The following XKR4 variants were observed in gnomAD, a reference collection of about 807,000 sequenced individuals.
XKR4 encodes the protein XK-related protein 4.
A neutral mutation model predicts 53.9 loss-of-function variants in XKR4; 12 were observed. That is an observed-to-expected ratio of 0.22 (90% CI 0.14 to 0.36). The LOEUF (loss-of-function observed/expected upper bound fraction) is 0.36, where lower values mean the gene tolerates loss of function less well. Ranked by LOEUF, XKR4 falls within the 10% of genes least tolerant of loss-of-function variation. The pLI is 1.00. For missense variants in XKR4, 799 were observed against 859.5 expected (o/e 0.93, Z 0.88); for synonymous variants, 354 against 362.4 (o/e 0.98, Z 0.26).
chr8:55,452,142 C>A (rs901545670), intron 2 of XKR4: 1 of 710,338 alleles, frequency 1.4e-6, no homozygotes, highest in African/African-American at 1.8e-5. Flanking sequence ...CGGTGTGTAC[C>A]GCAGCTTATG....
intron 1 of XKR4, among the ~76,000 whole-genome samples, chr8:55,194,565 G>GA (rs950165715): frequency 1.3e-5 from 2 of 152,152 alleles, no homozygotes; most frequent in Non-Finnish European, 1.5e-5. Flanking sequence ...TATACCGTTG[G>GA]AAAAAAATGA....
intron 1 of XKR4, among the ~76,000 whole-genome samples, chr8:55,305,928 T>C (rs1416388645): frequency 6.6e-6 from 1 of 152,234 alleles, no homozygotes. Flanking sequence ...ATGTACCATG[T>C]AAGTAAAAGT....
At chr8:55,291,808 G>A (rs938422082) in intron 1 of XKR4, among the ~76,000 whole-genome samples, 3 of 152,020 alleles carry the variant, frequency 2.0e-5, no homozygotes, top group Admixed American at 6.6e-5. Flanking sequence ...CTGCAAATAG[G>A]GACAAAGTTT....
intron 1 of XKR4, among the ~76,000 whole-genome samples, chr8:55,170,573 A>C (rs1228029552): frequency 1.3e-5 from 2 of 152,222 alleles, no homozygotes; most frequent in African/African-American, 4.8e-5. Context: ...AGCTGTAAGC[A>C]AAGTAAATTG....
intron 2 of XKR4, chr8:55,454,200 A>G (rs1322496899): frequency 9.6e-7 from 1 of 1,041,112 alleles, no homozygotes; most frequent in Admixed American, 1.7e-5. Context: ...GGCTCTAGCA[A>G]GGGTGGAATG....
chr8:55,416,119 G>A (rs1167894199), intron 2 of XKR4, among the ~76,000 whole-genome samples: 1 of 152,182 alleles, frequency 6.6e-6, no homozygotes, highest in Non-Finnish European at 1.5e-5. Context: ...AGCCCTGAAA[G>A]TTAAATGAAT....
chr8:55,289,166 C>T (rs1373324640), intron 1 of XKR4, among the ~76,000 whole-genome samples: 1 of 152,064 alleles, frequency 6.6e-6, no homozygotes, highest in Non-Finnish European at 1.5e-5. Context: ...TTCTCTGGGA[C>T]ACCTTCCTAA....
chr8:55,245,946 A>C (rs1343803827), intron 1 of XKR4, among the ~76,000 whole-genome samples: 1 of 152,082 alleles, frequency 6.6e-6, no homozygotes, highest in Non-Finnish European at 1.5e-5. Context: ...TAAATAAATA[A>C]ATAAAATTAG....
intron 1 of XKR4, among the ~76,000 whole-genome samples, chr8:55,247,898 C>T (rs1411062818): frequency 1.8e-5 from 1 of 56,286 alleles, no homozygotes; most frequent in African/African-American, 3.9e-5. Context: ...GCTCTGTCTC[C>T]AGGCTGGAGT....
chr8:55,378,895 A>G (rs907930665), intron 2 of XKR4, among the ~76,000 whole-genome samples: 1 of 152,232 alleles, frequency 6.6e-6, no homozygotes, highest in Non-Finnish European at 1.5e-5. Context: ...AACTCTATGT[A>G]TATCACATGG....
At chr8:55,487,974 G>C (rs1468259744) in intron 2 of XKR4, among the ~76,000 whole-genome samples, 1 of 152,174 alleles carries the variant, frequency 6.6e-6, no homozygotes, top group Non-Finnish European at 1.5e-5. Flanking sequence ...CTGCTTTCAG[G>C]ATTTCCAACT....
intron 2 of XKR4, among the ~76,000 whole-genome samples, chr8:55,358,697 T>G (rs923796549): frequency 2.0e-5 from 3 of 152,236 alleles, no homozygotes; most frequent in African/African-American, 7.2e-5. Flanking sequence ...CCTATTAATT[T>G]GTCAATCCTG....
chr8:55,430,263 T>G (rs563438304), intron 2 of XKR4, among the ~76,000 whole-genome samples: 2 of 152,088 alleles, frequency 1.3e-5, no homozygotes, highest in Admixed American at 6.5e-5. Flanking sequence ...AAATGAAACA[T>G]TAAAATAGCA....
chr8:55,430,524 A>G (rs1304040497), intron 2 of XKR4, among the ~76,000 whole-genome samples: 6 of 152,298 alleles, frequency 3.9e-5, no homozygotes, highest in African/African-American at 1.4e-4. Context: ...TGGGGTAAGG[A>G]TGGAGGGAGG....
intron 1 of XKR4, among the ~76,000 whole-genome samples, chr8:55,166,282 A>G (rs970280073): frequency 1.3e-5 from 2 of 152,242 alleles, no homozygotes; most frequent in African/African-American, 2.4e-5. Context: ...CCTGAGGGAT[A>G]ACTGAACTCT....
chr8:55,423,641 T>C (rs1317045755), intron 2 of XKR4, among the ~76,000 whole-genome samples: 2 of 152,228 alleles, frequency 1.3e-5, no homozygotes, highest in East Asian at 1.9e-4. Context: ...CCTCAACTTA[T>C]GTTATTTCTT....
At chr8:55,341,680 A>G (rs1411034465) in intron 1 of XKR4, among the ~76,000 whole-genome samples, 2 of 152,190 alleles carry the variant, frequency 1.3e-5, no homozygotes, top group African/African-American at 4.8e-5. Context: ...TTAATTTCAA[A>G]CCGATGCCAT....
At chr8:55,445,808 A>G (rs1805338498) in intron 2 of XKR4, among the ~76,000 whole-genome samples, 1 of 152,234 alleles carries the variant, frequency 6.6e-6, no homozygotes, top group Non-Finnish European at 1.5e-5. Context: ...CGGTTACCAC[A>G]GTAAGAGTAG....
rs181852189 is a variant in XKR4, at chr8:55,258,763, G to A, written c.807-98915G>A. Among the ~76,000 whole-genome samples, 421 of 152,130 alleles carry A rather than the reference G, an allele frequency of 2.8e-3. 1 individual carries two copies. The highest frequency in any genetic ancestry group is 4.9e-3 in the Non-Finnish European group (332 of 67,998). On this transcript the variant is annotated intron_variant, in intron 1 of 2. Transcript: ENST00000327381. ...ATTTAAGGATTAAATCTGCACTCCC[G>A]TGGGGCATAGGCCTCTAGCATTGCT...
Sources: gnomAD v4.1 joint callset for allele counts (sites outside exome capture counted in the v4.1 genomes callset) on GRCh38, gnomAD v4.1.1 for gene constraint, MANE v1.5 for transcripts, NCBI Gene and HGNC (gene_info 2026-07-23, HGNC 2026-07-21) for gene names.